The following ATG5 variants were observed in gnomAD, a reference collection of about 807,000 sequenced individuals.
The protein encoded by ATG5 is autophagy protein 5.
In ATG5, 14 loss-of-function variants were observed where a neutral mutation model predicts 36.5. The observed-to-expected ratio is 0.38, with a 90% CI of 0.25 to 0.60. The LOEUF (loss-of-function observed/expected upper bound fraction) is 0.60, where lower values mean the gene tolerates loss of function less well. ATG5 is among the 20% of genes least tolerant of loss of function. ATG5 has a pLI of 0.60. For synonymous variants in ATG5, 95 were observed against 101.5 expected (o/e 0.94, Z 0.38); for missense variants, 195 against 326.7 (o/e 0.60, Z 3.11).
intron 6 of ATG5, among the ~76,000 whole-genome samples, chr6:106,222,872 A>C (rs1289256877): frequency 6.6e-6 from 1 of 152,212 alleles, no homozygotes; most frequent in Non-Finnish European, 1.5e-5. Context: ...CATGTAAAAT[A>C]ATTTAAAACA....
At chr6:106,201,855 G>T in intron 7 of ATG5, 117 bp downstream of exon 7, 1 of 664,568 alleles carries the variant, frequency 1.5e-6, no homozygotes, top group Non-Finnish European at 2.4e-6. Context: ...AAGACTTTTC[G>T]CTGTAAGATA....
chr6:106,289,381 G>T (rs1157297348), intron 4 of ATG5, among the ~76,000 whole-genome samples: 2 of 151,070 alleles, frequency 1.3e-5, no homozygotes, highest in Admixed American at 6.6e-5. Context: ...TCCCCTAAAT[G>T]AATGGAACTT....
intron 4 of ATG5, among the ~76,000 whole-genome samples, chr6:106,282,527 C>T (rs143002170): frequency 3.0e-4 from 45 of 152,278 alleles, no homozygotes; most frequent in African/African-American, 9.1e-4. Context: ...AGAACACATA[C>T]GATGCATTAT....
intron 5 of ATG5, among the ~76,000 whole-genome samples, chr6:106,267,131 A>T (rs1766202): frequency 0.11 from 17,417 of 152,216 alleles, 1,082 homozygotes; most frequent in African/African-American, 0.16. Flanking sequence ...AGCTGTTAAT[A>T]AACTTCAGCA....
chr6:106,207,922 T>C (rs576638358), intron 6 of ATG5, among the ~76,000 whole-genome samples: 3 of 152,082 alleles, frequency 2.0e-5, no homozygotes, highest in Non-Finnish European at 2.9e-5. Flanking sequence ...TGAAACCTGA[T>C]CTCTACTAAA....
chr6:106,196,576 T>C (rs1187805103), intron 7 of ATG5, among the ~76,000 whole-genome samples: 1 of 151,988 alleles, frequency 6.6e-6, no homozygotes, highest in Non-Finnish European at 1.5e-5. Context: ...ATACAAAAAT[T>C]AGCCAGGCAT....
intron 3 of ATG5, among the ~76,000 whole-genome samples, chr6:106,294,568 A>G (rs1285828253): frequency 1.3e-5 from 2 of 152,080 alleles, no homozygotes; most frequent in African/African-American, 4.8e-5. Flanking sequence ...CTGTAATCCC[A>G]ACACTTTGGG....
chr6:106,187,074 A>G (rs1334705058), intron 7 of ATG5, among the ~76,000 whole-genome samples: 1 of 152,232 alleles, frequency 6.6e-6, no homozygotes, highest in Non-Finnish European at 1.5e-5. Flanking sequence ...CGGTCCATAC[A>G]TATTTTGAAA....
In ATG5 at chr6:106,256,905, C is replaced by T. The variant is rs1778823123; in HGVS notation, c.479-8661G>A. The stretch of plus-strand genomic sequence containing the variant: ...TTATTTAAAAATTAACTTAAGCTTA[C>T]TATAGCTTTTTCACTTTATAAACAT... On this transcript the variant is annotated intron_variant, in intron 5 of 7. Transcript: ENST00000369076. 3.3e-5 allele frequency among the ~76,000 whole-genome samples: 5 copies of T among 152,220 alleles called. No homozygotes were observed. In the South Asian group the frequency reaches 1.0e-3, roughly 32 times the overall value.
chr6:106,251,930 T>TC (rs1778608764), intron 5 of ATG5, among the ~76,000 whole-genome samples: 1 of 151,888 alleles, frequency 6.6e-6, no homozygotes, highest in Non-Finnish European at 1.5e-5. Flanking sequence ...AACCTCCACC[T>TC]CCCAGGTTCA....
intron 4 of ATG5, among the ~76,000 whole-genome samples, chr6:106,283,887 T>C (rs1779979463): frequency 6.6e-6 from 1 of 152,242 alleles, no homozygotes; most frequent in South Asian, 2.1e-4. Context: ...ATCTGTCAAA[T>C]TTATTGGCAC....
At chr6:106,319,367 A>G (rs1033944539) in intron 1 of ATG5, among the ~76,000 whole-genome samples, 3 of 152,232 alleles carry the variant, frequency 2.0e-5, no homozygotes, top group Non-Finnish European at 4.4e-5. Context: ...AAACACTGCT[A>G]ATAATATGCA....
chr6:106,274,150 T>G (rs1779556634), intron 5 of ATG5, among the ~76,000 whole-genome samples: 1 of 152,186 alleles, frequency 6.6e-6, no homozygotes, highest in Non-Finnish European at 1.5e-5. Context: ...TAAGTCATGG[T>G]AAAAACATTT....
intron 6 of ATG5, among the ~76,000 whole-genome samples, chr6:106,221,385 T>C (rs569445553): frequency 6.6e-6 from 1 of 152,206 alleles, no homozygotes; most frequent in East Asian, 1.9e-4. Flanking sequence ...CCTAAACTTT[T>C]ATCAAATGTC....
chr6:106,251,668 G>GGAGGCGGAGAGAGGGAGAA (rs1562237640), intron 5 of ATG5, among the ~76,000 whole-genome samples: 1 of 37,776 alleles, frequency 2.6e-5, no homozygotes, highest in Non-Finnish European at 5.9e-5. Context: ...AGGAAGGGAG[G>GGAGGCGGAGAGAGGGAGAA]GGGAGGGGGA....
rs377572131 is a variant in ATG5 at position 106,222,152 on chromosome 6, C to T, written c.574-20063G>A. Reference sequence around the variant, plus strand: ...ACTCCCAAAGTGCTAGGATTACATGCGTGAGCCACTGCGTCTGGCCTAAAG... The same window carrying T: ...ACTCCCAAAGTGCTAGGATTACATGTGTGAGCCACTGCGTCTGGCCTAAAG... On this transcript the variant is annotated intron_variant, in intron 6 of 7. Coordinates refer to ENST00000369076, the MANE Select transcript of ATG5 (RefSeq NM_004849.4). 2.0e-4 allele frequency among the ~76,000 whole-genome samples: 31 copies of T among 152,170 alleles called. No homozygotes were observed. In the East Asian group the frequency reaches 5.4e-3, roughly 27 times the overall value.
chr6:106,284,896 G>A (rs1780017459), intron 4 of ATG5, among the ~76,000 whole-genome samples: 1 of 152,052 alleles, frequency 6.6e-6, no homozygotes, highest in Non-Finnish European at 1.5e-5. Flanking sequence ...ATATTAAACT[G>A]TTATTAGATA....
In ATG5 at chr6:106,248,132, TA is replaced by T. The variant is rs1562235496; in HGVS notation, c.573+17del. 5.2e-6 allele frequency: 8 copies of T among 1,552,084 alleles called. No individual in the cohort carries two copies. Among genetic ancestry groups the T allele is most frequent in the Non-Finnish European group, 7.1e-6 (8 of 1,124,296 alleles). Reference sequence around the variant, plus strand: ...GAGGCTTTCATAAATGGATGTTTTTTAAAATGTTATTTCCTACCTGATATAT... The same window carrying T: ...GAGGCTTTCATAAATGGATGTTTTTTAAATGTTATTTCCTACCTGATATAT... On this transcript the variant is annotated intron_variant, in intron 6 of 7. Coordinates refer to ENST00000369076, the MANE Select transcript of ATG5 (RefSeq NM_004849.4).
intron 3 of ATG5, among the ~76,000 whole-genome samples, chr6:106,307,402 TTC>T (rs1392202014): frequency 6.6e-6 from 1 of 152,184 alleles, no homozygotes; most frequent in Admixed American, 6.6e-5. Flanking sequence ...TTTTACATTC[TTC>T]TCTCTGTAAT....
Sources: allele counts gnomAD v4.1 joint callset (sites outside exome capture counted in the v4.1 genomes callset), GRCh38; gene constraint gnomAD v4.1.1; transcripts MANE v1.5; gene names NCBI Gene and HGNC (gene_info 2026-07-23, HGNC 2026-07-21).